Variants in SGCD observed in about 807,000 individuals in gnomAD.
SGCD encodes delta-sarcoglycan.
SGCD carries 18 observed loss-of-function variants against 36.6 expected under a neutral mutation model. That is an observed-to-expected ratio of 0.49 (90% CI 0.34 to 0.73). The LOEUF is 0.73. Ranked by LOEUF, SGCD falls within the 30% of genes least tolerant of loss-of-function variation. SGCD has a pLI of 0.01. For synonymous variants in SGCD, 133 were observed against 130.6 expected (o/e 1.02, Z -0.12); for missense variants, 387 against 346.7 (o/e 1.12, Z -0.92).
the SGCD span, among the ~76,000 whole-genome samples, chr5:155,772,759 C>G: frequency 1.3e-5 from 2 of 152,078 alleles, no homozygotes; most frequent in Non-Finnish European, 1.5e-5. Flanking sequence ...GAATGAGTTA[C>G]TATTATTATT....
chr5:155,924,710 A>G (rs1276231391), intron 1 of SGCD, among the ~76,000 whole-genome samples: 2 of 152,184 alleles, frequency 1.3e-5, no homozygotes. Context: ...TCCTTAGGTA[A>G]AAGGAGGAGA....
At chr5:156,738,454 A>G (rs2113061237) in intron 7 of SGCD, 1 of 152,360 alleles carries the variant, frequency 6.6e-6, no homozygotes, top group East Asian at 1.9e-4. Flanking sequence ...CACAGTATTT[A>G]TGATCAGTTT....
chr5:156,365,166 A>G (rs1397992165), intron 3 of SGCD, among the ~76,000 whole-genome samples: 1 of 152,230 alleles, frequency 6.6e-6, no homozygotes, highest in African/African-American at 2.4e-5. Context: ...AAGATGCTAG[A>G]AATCATAGTC....
intron 3 of SGCD, among the ~76,000 whole-genome samples, chr5:156,438,486 A>G (rs1012059583): frequency 6.6e-6 from 1 of 152,134 alleles, no homozygotes; most frequent in Non-Finnish European, 1.5e-5. Context: ...AGCAAAGACA[A>G]CAGAGCCAAA....
At chr5:156,221,356 T>G (rs1186913844) in intron 3 of SGCD, among the ~76,000 whole-genome samples, 1 of 152,074 alleles carries the variant, frequency 6.6e-6, no homozygotes, top group Non-Finnish European at 1.5e-5. Context: ...CTGTAAAAAT[T>G]TAGAATTATA....
the SGCD span, among the ~76,000 whole-genome samples, chr5:155,733,400 A>C: frequency 6.6e-6 from 1 of 152,200 alleles, no homozygotes; most frequent in Admixed American, 6.5e-5. Flanking sequence ...GGTACCAGAC[A>C]TCTTGTCCAG....
chr5:155,837,885 C>T, the SGCD span, among the ~76,000 whole-genome samples: 17 of 152,152 alleles, frequency 1.1e-4, no homozygotes, highest in Admixed American at 1.3e-4. Context: ...TTGGGGACCT[C>T]AAAAAGGCAT....
the SGCD span, among the ~76,000 whole-genome samples, chr5:155,753,229 C>T: frequency 4.0e-5 from 6 of 151,750 alleles, no homozygotes; most frequent in Admixed American, 6.6e-5. Context: ...CCCACCTACT[C>T]GGGAGGCTGA....
Position 155,922,912 on chromosome 5 carries a change from G to C in SGCD, c.-282+52488G>C, listed in dbSNP as rs374885343. Among the ~76,000 whole-genome samples the C allele has an allele frequency of 1.0e-3, 153 of 152,316 alleles. No homozygotes were observed. In the South Asian group the frequency reaches 0.018, roughly 18 times the overall value. ...CCCACTGAAAAATTTGAATGCCCCA[G>C]TGCTCCAATGGGTAATGAACAAATG... On this transcript the variant is annotated intron_variant, in intron 1 of 9. Coordinates refer to the SGCD transcript ENST00000517913.
At chr5:156,670,152 G>GA (rs1328358491) in intron 7 of SGCD, among the ~76,000 whole-genome samples, 2 of 152,080 alleles carry the variant, frequency 1.3e-5, no homozygotes, top group Admixed American at 6.5e-5. Flanking sequence ...ATTAAAATAT[G>GA]AAAAAACCCA....
chr5:156,606,860 G>C (rs944957614), intron 6 of SGCD, among the ~76,000 whole-genome samples: 1 of 152,118 alleles, frequency 6.6e-6, no homozygotes, highest in South Asian at 2.1e-4. Flanking sequence ...TCTGTTATTG[G>C]TGTATAAGAA....
chr5:155,818,633 A>G, the SGCD span, among the ~76,000 whole-genome samples: 4,190 of 152,248 alleles, frequency 0.028, 79 homozygotes, highest in Non-Finnish European at 0.04. Context: ...TGATCCTCCC[A>G]CCTGAGCCTC....
chr5:156,207,027 T>C (rs1319888417), intron 3 of SGCD, among the ~76,000 whole-genome samples: 1 of 152,136 alleles, frequency 6.6e-6, no homozygotes, highest in Non-Finnish European at 1.5e-5. Flanking sequence ...TTGGTGAATA[T>C]ATCCCTTTGA....
intron 7 of SGCD, among the ~76,000 whole-genome samples, chr5:156,680,277 C>G (rs899779515): frequency 1.3e-5 from 2 of 152,068 alleles, no homozygotes; most frequent in South Asian, 4.1e-4. Flanking sequence ...GTTTCCTGAC[C>G]CCCGGGACTG....
At chr5:156,610,151 G>GT (rs1317774474) in intron 6 of SGCD, among the ~76,000 whole-genome samples, 2 of 142,922 alleles carry the variant, frequency 1.4e-5, no homozygotes, top group Non-Finnish European at 3.0e-5. Flanking sequence ...TTTTTCTGCT[G>GT]TTTTTTCCCC....
In SGCD at chr5:156,606,222, A is replaced by G. The variant is rs187718365; in HGVS notation, c.502+11171A>G. Among the ~76,000 whole-genome samples, 363 of 152,280 alleles carry G rather than the reference A, an allele frequency of 2.4e-3. 1 individual carries two copies. Among genetic ancestry groups the G allele is most frequent in the Middle Eastern group, 0.01 (3 of 294 alleles). On this transcript the variant is annotated intron_variant, in intron 6 of 8. Coordinates refer to ENST00000337851, the MANE Select transcript of SGCD (RefSeq NM_000337.6). ...TAATCCATCTTGAATTAATTTTTGTATAAGGTCTAAGGAAGGGATCCAGTT... is the reference window on the plus strand; with the variant it reads ...TAATCCATCTTGAATTAATTTTTGTGTAAGGTCTAAGGAAGGGATCCAGTT...
At chr5:156,739,112 G>A (rs1756531358) in intron 7 of SGCD, among the ~76,000 whole-genome samples, 1 of 152,152 alleles carries the variant, frequency 6.6e-6, no homozygotes, top group Non-Finnish European at 1.5e-5. Flanking sequence ...TATGGCCCTA[G>A]CATCATATTT....
chr5:156,653,164 A>T (rs966731388), intron 7 of SGCD, among the ~76,000 whole-genome samples: 1 of 152,080 alleles, frequency 6.6e-6, no homozygotes, highest in African/African-American at 2.4e-5. Flanking sequence ...ATTTCAGTAG[A>T]ATTGGTAACA....
chr5:156,321,344 C>T (rs1445899778), intron 3 of SGCD, among the ~76,000 whole-genome samples: 1 of 152,194 alleles, frequency 6.6e-6, no homozygotes, highest in East Asian at 1.9e-4. Flanking sequence ...GGTGTGAACC[C>T]GAGAAGTGGA....
Sources: gnomAD v4.1 joint callset for allele counts (sites outside exome capture counted in the v4.1 genomes callset) on GRCh38, gnomAD v4.1.1 for gene constraint, MANE v1.5 for transcripts, NCBI Gene and HGNC (gene_info 2026-07-23, HGNC 2026-07-21) for gene names.